SLC4A4: variants seen among roughly 807,000 people sequenced by gnomAD.
SLC4A4 encodes electrogenic sodium bicarbonate cotransporter 1.
SLC4A4 carries 27 observed loss-of-function variants against 111.5 expected under a neutral mutation model. The observed-to-expected ratio is 0.24, with a 90% CI of 0.18 to 0.33. The LOEUF is 0.33. SLC4A4 is among the 10% of genes least tolerant of loss of function. The probability of loss-of-function intolerance (pLI) is 1.00; values close to 1 mark genes in which losing one functional copy is unlikely to be tolerated. For missense variants in SLC4A4, 909 were observed against 1,315.5 expected, an observed-to-expected ratio of 0.69 and a Z score of 4.78; for synonymous variants, 443 against 463.4, an observed-to-expected ratio of 0.96 and a Z score of 0.57.
chr4:71,423,441 G>A (rs553559567), intron 7 of SLC4A4, among the ~76,000 whole-genome samples: 1 of 152,110 alleles, frequency 6.6e-6, no homozygotes. Context: ...TCAATGCCAT[G>A]CCCATCAAGC....
chr4:71,184,760 C>G (rs755469341), upstream of SLC4A4, among the ~76,000 whole-genome samples: 1 of 152,076 alleles, frequency 6.6e-6, no homozygotes, highest in Non-Finnish European at 1.5e-5. Context: ...CCCGGAAAAG[C>G]AATCGAAAGT....
At position 71,312,826 on chromosome 4, in the gene SLC4A4, G is replaced by T. The variant is rs181669524; in HGVS notation, c.254-26544G>T. On this transcript the variant is annotated intron_variant, in intron 3 of 25. Transcript: ENST00000264485. The stretch of plus-strand genomic sequence containing the variant: ...CCCATAGCCAGTATCATACTGAATG[G>T]GCAAAAGCTGGAAGCATTCCCTTTG... Among the ~76,000 whole-genome samples the T allele has an allele frequency of 1.6e-3, 246 of 152,248 alleles. 1 individual carries two copies. The highest frequency in any genetic ancestry group is 1.5e-3 in the Non-Finnish European group (105 of 68,006).
chr4:71,199,137 C>T (rs1010320727), intron 1 of SLC4A4, among the ~76,000 whole-genome samples: 2 of 152,154 alleles, frequency 1.3e-5, no homozygotes, highest in Non-Finnish European at 2.9e-5. Context: ...TCTTTGATGT[C>T]GTCAGGTGTC....
chr4:71,535,085 G>A (rs1025425207), intron 18 of SLC4A4, among the ~76,000 whole-genome samples: 3 of 152,004 alleles, frequency 2.0e-5, no homozygotes, highest in African/African-American at 7.2e-5. Context: ...GATATGAATG[G>A]TAACAATAAT....
At chr4:71,503,283 T>C (rs539886330) in intron 16 of SLC4A4, among the ~76,000 whole-genome samples, 1 of 151,836 alleles carries the variant, frequency 6.6e-6, no homozygotes, top group Non-Finnish European at 1.5e-5. Context: ...TATCTTTTCA[T>C]TGGAGAACTT....
At chr4:71,241,514 G>A (rs1478372735) in intron 2 of SLC4A4, among the ~76,000 whole-genome samples, 3 of 151,988 alleles carry the variant, frequency 2.0e-5, no homozygotes, top group African/African-American at 7.2e-5. Context: ...AAAAAACTGG[G>A]GCCTGGTAGA....
chr4:71,386,205 A>G (rs1404385929), intron 6 of SLC4A4, among the ~76,000 whole-genome samples: 1 of 152,080 alleles, frequency 6.6e-6, no homozygotes, highest in Non-Finnish European at 1.5e-5. Context: ...TCCTTTCTAG[A>G]TAGAACACTT....
At position 71,106,301 on chromosome 4, in the gene SLC4A4, A is replaced by G. The variant is rs560965564; in HGVS notation, c.-2+13509A>G. On this transcript the variant is annotated intron_variant, in intron 2 of 26. Transcript: ENST00000649996. Reference sequence around the variant, plus strand: ...GGTGCTGGAGAGGATGTGGAGAAATAGGAACACTTTTATACTGTTGGTGGG... The same window carrying G: ...GGTGCTGGAGAGGATGTGGAGAAATGGGAACACTTTTATACTGTTGGTGGG... 2.7e-5 allele frequency among the ~76,000 whole-genome samples: 4 copies of G among 150,550 alleles called. No homozygotes were observed. The East Asian group carries it at 6.0e-4, about 22-fold the overall frequency.
chr4:71,135,457 G>A (rs1003212164), intron 2 of SLC4A4, among the ~76,000 whole-genome samples: 4 of 151,822 alleles, frequency 2.6e-5, no homozygotes, highest in African/African-American at 9.7e-5. Flanking sequence ...CACCATGCCT[G>A]GCTAATTTTT....
intron 3 of SLC4A4, among the ~76,000 whole-genome samples, chr4:71,256,411 A>C (rs891789593): frequency 6.6e-6 from 1 of 152,112 alleles, no homozygotes; most frequent in Non-Finnish European, 1.5e-5. Flanking sequence ...AGTGATGTGA[A>C]TTTTTTATAG....
intron 14 of SLC4A4, among the ~76,000 whole-genome samples, chr4:71,480,493 A>C (rs1047747371): frequency 4.0e-5 from 6 of 151,744 alleles, no homozygotes; most frequent in African/African-American, 1.4e-4. Context: ...TTCCCTCAAA[A>C]GCCATTTTTA....
intron 1 of SLC4A4, among the ~76,000 whole-genome samples, chr4:71,205,697 C>T (rs1037281878): frequency 6.6e-5 from 10 of 152,090 alleles, no homozygotes; most frequent in African/African-American, 1.9e-4. Flanking sequence ...GCTATTGACT[C>T]CTCCAAAATT....
At chr4:71,315,982 C>A (rs1439707104) in intron 3 of SLC4A4, among the ~76,000 whole-genome samples, 1 of 152,058 alleles carries the variant, frequency 6.6e-6, no homozygotes, top group East Asian at 1.9e-4. Context: ...TCCAAAGCTG[C>A]AAAGAAAGAT....
chr4:71,484,283 CTTCT>C (rs1729166656), intron 14 of SLC4A4, among the ~76,000 whole-genome samples: 1 of 151,774 alleles, frequency 6.6e-6, no homozygotes, highest in Non-Finnish European at 1.5e-5. Context: ...CCTACGTTGT[CTTCT>C]AGGGTTTTTA....
At chr4:71,247,139 A>G (rs1309678942) in intron 2 of SLC4A4, among the ~76,000 whole-genome samples, 2 of 151,314 alleles carry the variant, frequency 1.3e-5, no homozygotes, top group Non-Finnish European at 2.9e-5. Context: ...ATATGTGTAT[A>G]TGAAGGAAGG....
intron 5 of SLC4A4, among the ~76,000 whole-genome samples, chr4:71,350,523 A>G (rs916254182): frequency 3.3e-5 from 5 of 152,040 alleles, no homozygotes; most frequent in South Asian, 4.2e-4. Context: ...GATTACAGGT[A>G]CCTGCCACTT....
chr4:71,144,339 G>A (rs572990510), intron 2 of SLC4A4, among the ~76,000 whole-genome samples: 1 of 152,220 alleles, frequency 6.6e-6, no homozygotes, highest in Non-Finnish European at 1.5e-5. Context: ...ATTTTGTTTT[G>A]GTTACTGTAG....
upstream of SLC4A4, among the ~76,000 whole-genome samples, chr4:71,183,968 C>T (rs1203370979): frequency 6.6e-6 from 1 of 152,122 alleles, no homozygotes; most frequent in Non-Finnish European, 1.5e-5. Flanking sequence ...GGAGAAACAT[C>T]CAACAATATT....
rs116164165 is a variant in SLC4A4 at position 71,425,500 on chromosome 4, C to G, written c.808-15116C>G. On this transcript the variant is annotated intron_variant, in intron 7 of 25. Transcript: ENST00000264485. ...AAAAGTATCTGAGACAAGTCTCAAT[C>G]AATTTATAAGTTTATTTTGCCAAGA... Among the ~76,000 whole-genome samples, 956 of 152,246 alleles carry G rather than the reference C, an allele frequency of 6.3e-3. 14 individuals carry two copies. The highest frequency in any genetic ancestry group is 0.022 in the African/African-American group (912 of 41,568).
Sources: allele counts gnomAD v4.1 joint callset (sites outside exome capture counted in the v4.1 genomes callset), GRCh38; gene constraint gnomAD v4.1.1; transcripts MANE v1.5; gene names NCBI Gene and HGNC (gene_info 2026-07-23, HGNC 2026-07-21).